COBLL1: variants seen among roughly 807,000 people sequenced by gnomAD.
COBLL1 encodes cordon-bleu protein-like 1.
A neutral mutation model predicts 94.8 loss-of-function variants in COBLL1; 50 were observed. The ratio of observed to expected loss-of-function variants is 0.53; its 90% CI spans 0.42 to 0.67. The LOEUF (loss-of-function observed/expected upper bound fraction) is 0.67, where lower values mean the gene tolerates loss of function less well. Among genes scored for constraint, COBLL1 ranks in the 30% least tolerant of loss-of-function variants. COBLL1 has a pLI of 0.00. For missense variants in COBLL1, 1,362 were observed against 1,348.7 expected (o/e 1.01, Z -0.15); for synonymous variants, 448 against 473.8 (o/e 0.95, Z 0.71).
upstream of COBLL1, chr2:164,842,074 A>G: frequency 1.5e-6 from 2 of 1,341,800 alleles, no homozygotes; most frequent in Non-Finnish European, 2.1e-6. Flanking sequence ...AGCCGGAGAG[A>G]GGAACGGGGC....
At chr2:164,754,124 A>G (rs1261728685) in intron 2 of COBLL1, among the ~76,000 whole-genome samples, 2 of 152,192 alleles carry the variant, frequency 1.3e-5, no homozygotes, top group African/African-American at 4.8e-5. Context: ...GAGAAGTGCT[A>G]TAAGTGTAAA....
chr2:164,732,578 A>G (rs1686075186), intron 3 of COBLL1, among the ~76,000 whole-genome samples: 1 of 152,232 alleles, frequency 6.6e-6, no homozygotes, highest in Non-Finnish European at 1.5e-5. Flanking sequence ...TTCATTGCCA[A>G]CTGAAGGGGT....
chr2:164,774,332 A>G (rs556553517), intron 2 of COBLL1, among the ~76,000 whole-genome samples: 1 of 152,298 alleles, frequency 6.6e-6, no homozygotes, highest in East Asian at 1.9e-4. Flanking sequence ...AATACGGCCA[A>G]TGGAAGCTGG....
downstream of COBLL1, among the ~76,000 whole-genome samples, chr2:164,679,512 C>A (rs1682949181): frequency 6.6e-6 from 1 of 151,958 alleles, no homozygotes; most frequent in Non-Finnish European, 1.5e-5. Context: ...AAAATGGGGC[C>A]ATGGTATCAA....
chr2:164,715,998 AT>A (rs1308287463), intron 7 of COBLL1, among the ~76,000 whole-genome samples: 2 of 152,208 alleles, frequency 1.3e-5, no homozygotes, highest in Non-Finnish European at 2.9e-5. Flanking sequence ...ATGGGTCAAG[AT>A]TACCAAATAC....
At chr2:164,807,313 CA>C (rs1684214521) in intron 2 of COBLL1, among the ~76,000 whole-genome samples, 1 of 151,718 alleles carries the variant, frequency 6.6e-6, no homozygotes, top group Non-Finnish European at 1.5e-5. Flanking sequence ...ATTAGTCAGG[CA>C]CGGCAGTGGG....
intron 3 of COBLL1, among the ~76,000 whole-genome samples, chr2:164,742,677 G>A (rs1290391154): frequency 6.6e-6 from 1 of 152,084 alleles, no homozygotes; most frequent in Non-Finnish European, 1.5e-5. Flanking sequence ...TATATTATTT[G>A]CTAAAGCTGA....
Position 164,703,312 on chromosome 2 carries a change from T to C in COBLL1, c.1225+1132A>G, listed in dbSNP as rs886611886. The C allele has an allele frequency of 6.4e-6, 5 of 776,838 alleles. No homozygotes were observed. The East Asian group carries it at 1.3e-4, about 20-fold the overall frequency. 48.1% of individuals were successfully genotyped at this position (776,838 alleles called of 1,614,324 possible). On this transcript the variant is annotated intron_variant, in intron 9 of 13. Coordinates refer to ENST00000652658, the MANE Select transcript of COBLL1 (RefSeq NM_001365672.2). ...GAAGCATTTTGGAAGAAATCAGATT[T>C]GTTAGCTCACAATTATCCATGCATT... is the stretch of plus-strand genomic sequence containing the variant.
At chr2:164,730,320 T>A (rs1685929857) in intron 3 of COBLL1, among the ~76,000 whole-genome samples, 2 of 139,288 alleles carry the variant, frequency 1.4e-5, no homozygotes, top group South Asian at 4.6e-4. Context: ...CAAGACCCTG[T>A]ATCTACAAAA....
intron 2 of COBLL1, among the ~76,000 whole-genome samples, chr2:164,747,543 G>A (rs920274759): frequency 6.6e-6 from 1 of 152,088 alleles, no homozygotes; most frequent in Non-Finnish European, 1.5e-5. Flanking sequence ...GAGTGCAGTG[G>A]AACAATCTCA....
intron 2 of COBLL1, among the ~76,000 whole-genome samples, chr2:164,755,613 G>A (rs1015761946): frequency 6.6e-6 from 1 of 152,074 alleles, no homozygotes; most frequent in African/African-American, 2.4e-5. Context: ...AGTAGATGAA[G>A]CTTTATTGTA....
At chr2:164,824,211 G>A (rs1445504733) in intron 2 of COBLL1, among the ~76,000 whole-genome samples, 1 of 151,892 alleles carries the variant, frequency 6.6e-6, no homozygotes, top group Non-Finnish European at 1.5e-5. Context: ...GAGAAACCAA[G>A]TCTCTATTAA....
At chr2:164,672,150 T>C (rs1431885779) in intron 1 of COBLL1, among the ~76,000 whole-genome samples, 1 of 152,202 alleles carries the variant, frequency 6.6e-6, no homozygotes, top group Non-Finnish European at 1.5e-5. Flanking sequence ...TCAGGAGGCC[T>C]AGGAGTTGAC....
chr2:164,675,291 T>G (rs532611604), downstream of COBLL1, among the ~76,000 whole-genome samples: 11 of 152,308 alleles, frequency 7.2e-5, no homozygotes, highest in South Asian at 2.1e-4. Context: ...AATTACATAT[T>G]GATTTCCTTT....
chr2:164,736,606 T>C (rs1412063208), intron 3 of COBLL1, among the ~76,000 whole-genome samples: 2 of 152,260 alleles, frequency 1.3e-5, no homozygotes, highest in East Asian at 3.9e-4. Flanking sequence ...ATAATTACCA[T>C]CATAAAAATT....
chr2:164,720,830 C>T (rs1263335499), intron 7 of COBLL1, among the ~76,000 whole-genome samples: 2 of 152,108 alleles, frequency 1.3e-5, no homozygotes, highest in African/African-American at 4.8e-5. Flanking sequence ...AAGATTCTCC[C>T]AACTCTCAAG....
chr2:164,792,728 T>A (rs1249297800), intron 2 of COBLL1, among the ~76,000 whole-genome samples: 1 of 152,204 alleles, frequency 6.6e-6, no homozygotes, highest in Non-Finnish European at 1.5e-5. Flanking sequence ...CAAGTATTTA[T>A]AACATCAATT....
At chr2:164,722,913 T>C (rs146307856) in intron 5 of COBLL1, 2 of 153,534 alleles carry the variant, frequency 1.3e-5, no homozygotes, top group Admixed American at 6.5e-5. Flanking sequence ...ATTTTGATTA[T>C]ACTTTTGTCT....
intron 3 of COBLL1, 171 bp downstream of exon 3, chr2:164,743,516 T>A: frequency 1.7e-6 from 1 of 585,356 alleles, no homozygotes. Flanking sequence ...ATTAAAACAT[T>A]GATAGAAAAT....
Sources: gnomAD v4.1 joint callset for allele counts (sites outside exome capture counted in the v4.1 genomes callset) on GRCh38, gnomAD v4.1.1 for gene constraint, MANE v1.5 for transcripts, NCBI Gene and HGNC (gene_info 2026-07-23, HGNC 2026-07-21) for gene names.